The following CPLANE1 variants were observed in gnomAD, a reference collection of about 807,000 sequenced individuals.
CPLANE1 encodes ciliogenesis and planar polarity effector complex subunit 1, also known as ciliogenesis and planar polarity effector 1.
A neutral mutation model predicts 362.5 loss-of-function variants in CPLANE1; 263 were observed. That is an observed-to-expected ratio of 0.73 (90% CI 0.66 to 0.80). The LOEUF (loss-of-function observed/expected upper bound fraction) is 0.80, where lower values mean the gene tolerates loss of function less well. Among genes scored for constraint, CPLANE1 ranks in the 30% least tolerant of loss-of-function variants. The probability of loss-of-function intolerance (pLI) is 0.00; values close to 1 mark genes in which losing one functional copy is unlikely to be tolerated. For synonymous variants in CPLANE1, 1,212 were observed against 1,302.6 expected, an observed-to-expected ratio of 0.93 and a Z score of 1.50; for missense variants, 3,461 against 3,793.4, an observed-to-expected ratio of 0.91 and a Z score of 2.30.
chr5:37,121,851 T>C (rs1579891974), intron 48 of CPLANE1, 67 bp from the exon 49 acceptor site: 19 of 1,376,322 alleles, frequency 1.4e-5, no homozygotes, highest in South Asian at 2.6e-5. Flanking sequence ...AGAGGGAATA[T>C]AGTGTTTGAA....
At chr5:37,082,875 A>T in the CPLANE1 span, among the ~76,000 whole-genome samples, 3 of 152,294 alleles carry the variant, frequency 2.0e-5, no homozygotes, top group South Asian at 6.2e-4. Context: ...ATTGTGGCAG[A>T]TGGGAGGTAG....
chr5:37,210,093 G>A (rs908093451), intron 16 of CPLANE1: 14 of 824,452 alleles, frequency 1.7e-5, no homozygotes, highest in East Asian at 2.4e-5. Flanking sequence ...GGAATTAGCC[G>A]TGTTCCAGAA....
At chr5:37,203,548 C>T (rs1392328626) in intron 18 of CPLANE1, among the ~76,000 whole-genome samples, 1 of 152,206 alleles carries the variant, frequency 6.6e-6, no homozygotes, top group African/African-American at 2.4e-5. Context: ...GGATCTCACT[C>T]TGTCACCCAG....
At chr5:37,242,962 C>T in intron 6 of CPLANE1, 51 bp downstream of exon 6, 1 of 1,349,544 alleles carries the variant, frequency 7.4e-7, no homozygotes, top group East Asian at 2.6e-5. Context: ...ACCCTGCCTC[C>T]AAAAGAAAAA....
chr5:37,116,098 G>C (rs532503915), intron 50 of CPLANE1, among the ~76,000 whole-genome samples: 70 of 151,884 alleles, frequency 4.6e-4, no homozygotes, highest in Non-Finnish European at 7.8e-4. Flanking sequence ...AACAGCCTGA[G>C]CAACATGGCA....
intron 12 of CPLANE1, among the ~76,000 whole-genome samples, chr5:37,225,959 A>G (rs1369794206): frequency 6.6e-6 from 1 of 152,072 alleles, no homozygotes; most frequent in Non-Finnish European, 1.5e-5. Context: ...TGTATTGTAC[A>G]ACATTTGGCA....
intron 46 of CPLANE1, 117 bp downstream of exon 46, chr5:37,138,603 A>C: frequency 8.7e-7 from 1 of 1,145,762 alleles, no homozygotes; most frequent in Non-Finnish European, 1.3e-6. Context: ...TGAAAAAAAA[A>C]TCTATTCTAA....
intron 31 of CPLANE1, among the ~76,000 whole-genome samples, chr5:37,175,133 C>A (rs898760697): frequency 6.6e-6 from 1 of 152,148 alleles, no homozygotes; most frequent in Non-Finnish European, 1.5e-5. Flanking sequence ...CCACAAGGGG[C>A]TCCAGGGCTG....
chr5:37,182,857 A>T lies in CPLANE1; in HGVS notation c.5324T>A (p.Ile1775Asn), dbSNP rs996420456. The change falls in exon 26 of 53, where the codon ATT becomes AAT. Residue 1775 changes from isoleucine to asparagine, a missense_variant. Coordinates refer to ENST00000651892, the MANE Select transcript of CPLANE1 (RefSeq NM_001384732.1). ...TESSSEYSPV[I>N]RVKTSTAAIL... ...GGCAGCTGTAGAGGTCTTTACACGA[A>T]TTACTGGACTGTACTCAGAGGATGA... is the stretch of plus-strand genomic sequence containing the variant. 2.5e-6 allele frequency: 4 copies of T among 1,612,484 alleles called. No homozygotes were observed. Among genetic ancestry groups the T allele is most frequent in the Non-Finnish European group, 3.4e-6 (4 of 1,179,656 alleles).
Position 37,227,390 on chromosome 5 carries a change from T to G in CPLANE1, c.1374A>C (p.Pro458=). The change falls in exon 11 of 53, where the codon CCA becomes CCC. Residue 458 remains proline, a splice_region_variant and synonymous_variant. Coordinates refer to ENST00000651892, the MANE Select transcript of CPLANE1 (RefSeq NM_001384732.1). ...KIYQSVILSK[P]KGKGLNLRSL... ...ATCGCAAGTTCAGTCCTTTGCCTTT[T>G]GGCTAAAGAAGAAAAGATGAAAGAT... is the stretch of plus-strand genomic sequence containing the variant. 6.6e-7 allele frequency: 1 copy of G among 1,522,512 alleles called. No homozygotes were observed. The highest frequency in any genetic ancestry group is 8.8e-7 in the Non-Finnish European group (1 of 1,135,600). 94.3% of individuals were successfully genotyped at this position (1,522,512 alleles called of 1,614,324 possible). A position where few individuals can be genotyped will look rare whatever the true frequency, so the allele number is the denominator to read the frequency against.
Position 37,226,805 on chromosome 5 carries a change from T to C in CPLANE1, c.1790A>G (p.Tyr597Cys). The stretch of plus-strand genomic sequence containing the variant: ...AAAATGAGTGATACAAACTACTATG[T>C]AATTTAACATTAAATTTTTTTCTGT... The part of the protein sequence containing the change: ...TVTEKNLMLN[Y>C]IVVCITHFFY... Residue 597 changes from tyrosine to cysteine, a missense_variant, in exon 12 of 53, where the codon TAC becomes TGC. Tyr to Cys is a radical substitution (Grantham distance 194). Coordinates refer to ENST00000651892, the MANE Select transcript of CPLANE1 (RefSeq NM_001384732.1). 6.5e-7 allele frequency: 1 copy of C among 1,549,594 alleles called. No homozygotes were observed. The highest frequency in any genetic ancestry group is 8.7e-7 in the Non-Finnish European group (1 of 1,146,100).
intron 15 of CPLANE1, among the ~76,000 whole-genome samples, chr5:37,220,669 G>A (rs1244837870): frequency 6.6e-6 from 1 of 151,956 alleles, no homozygotes; most frequent in Non-Finnish European, 1.5e-5. Context: ...ACAGGTGCCC[G>A]CCACCAAGCC....
intron 8 of CPLANE1, among the ~76,000 whole-genome samples, chr5:37,237,863 T>G (rs1799368985): frequency 6.7e-6 from 1 of 150,076 alleles, no homozygotes; most frequent in Non-Finnish European, 1.5e-5. Flanking sequence ...AAAAAAAAAG[T>G]ATTTAAGGCC....
chr5:37,157,163 GTC>G (rs1417987318), intron 41 of CPLANE1, 148 bp downstream of exon 41: 1 of 320,488 alleles, frequency 3.1e-6, no homozygotes, highest in Non-Finnish European at 6.3e-6. Context: ...TTGGAATCAT[GTC>G]TCTATTTCAT....
chr5:37,131,312 C>T (rs1213589105), intron 46 of CPLANE1, among the ~76,000 whole-genome samples: 1 of 152,056 alleles, frequency 6.6e-6, no homozygotes, highest in Non-Finnish European at 1.5e-5. Flanking sequence ...CTCAGTGATT[C>T]CCTCTGGTCT....
chr5:37,192,961 A>G (rs1333114110), intron 21 of CPLANE1, among the ~76,000 whole-genome samples: 1 of 150,822 alleles, frequency 6.6e-6, no homozygotes, highest in South Asian at 2.1e-4. Flanking sequence ...GAGGTCAGGA[A>G]TTCAAGACCA....
chr5:37,155,018 T>C (rs1390480986), intron 41 of CPLANE1, among the ~76,000 whole-genome samples: 1 of 152,176 alleles, frequency 6.6e-6, no homozygotes, highest in African/African-American at 2.4e-5. Flanking sequence ...CAACAAGTAT[T>C]GATGATTCTA....
At position 37,208,946 on chromosome 5, in the gene CPLANE1, AAAG is replaced by A. The variant is rs1433396004; in HGVS notation, c.2921-2524_2921-2522del. On this transcript the variant is annotated intron_variant, in intron 16 of 52. Coordinates refer to ENST00000651892, the MANE Select transcript of CPLANE1 (RefSeq NM_001384732.1). ...AATCTGTTTCACAGATGAAAAAAAAAAAGAAAAGAAAAAAAGAAAACATGCGCA... is the reference window on the plus strand; with the variant it reads ...AATCTGTTTCACAGATGAAAAAAAAAAAAAGAAAAAAAGAAAACATGCGCA... 2.5e-3 allele frequency among the ~76,000 whole-genome samples: 231 copies of A among 91,452 alleles called. 4 individuals carry two copies. Among genetic ancestry groups the A allele is most frequent in the African/African-American group, 6.9e-3 (186 of 27,012 alleles). 60.0% of individuals were successfully genotyped at this position (91,452 alleles called of 152,430 possible).
chr5:37,191,235 C>CA (rs1785466240), intron 21 of CPLANE1, among the ~76,000 whole-genome samples: 1 of 151,804 alleles, frequency 6.6e-6, no homozygotes, highest in South Asian at 2.1e-4. Context: ...TAAAATTTTT[C>CA]AATAGAAAAA....
Sources: gnomAD v4.1 joint callset for allele counts (sites outside exome capture counted in the v4.1 genomes callset) on GRCh38, gnomAD v4.1.1 for gene constraint, MANE v1.5 for transcripts, NCBI Gene and HGNC (gene_info 2026-07-23, HGNC 2026-07-21) for gene names.